The following HAPLN1 variants were observed in gnomAD, a reference collection of about 807,000 sequenced individuals.
HAPLN1 encodes hyaluronan and proteoglycan link protein 1, also known as Cartilage link protein.
HAPLN1 carries 13 observed loss-of-function variants against 36.5 expected under a neutral mutation model. That is an observed-to-expected ratio of 0.36 (90% CI 0.23 to 0.57). HAPLN1 has a LOEUF of 0.57. Ranked by LOEUF, HAPLN1 falls within the 20% of genes least tolerant of loss-of-function variation. HAPLN1 has a pLI of 0.83. For missense variants in HAPLN1, 407 were observed against 439.7 expected, an observed-to-expected ratio of 0.93 and a Z score of 0.66; for synonymous variants, 202 against 169.8, an observed-to-expected ratio of 1.19 and a Z score of -1.48.
intron 2 of HAPLN1, among the ~76,000 whole-genome samples, chr5:83,658,658 A>C (rs1229785872): frequency 6.6e-6 from 1 of 152,270 alleles, no homozygotes; most frequent in Non-Finnish European, 1.5e-5. Flanking sequence ...TTAAGACTGG[A>C]AGAAATCTAA....
At chr5:83,704,269 G>T (rs1212123490) in intron 1 of HAPLN1, among the ~76,000 whole-genome samples, 1 of 152,136 alleles carries the variant, frequency 6.6e-6, no homozygotes. Context: ...ACTAAGTATG[G>T]CAAGGAAAGA....
intron 2 of HAPLN1, among the ~76,000 whole-genome samples, chr5:83,658,655 T>C (rs765822951): frequency 6.6e-6 from 1 of 152,190 alleles, no homozygotes; most frequent in Admixed American, 6.5e-5. Flanking sequence ...TCCTTAAGAC[T>C]GGAAGAAATC....
intron 1 of HAPLN1, among the ~76,000 whole-genome samples, chr5:83,678,169 G>T (rs1255712189): frequency 6.6e-6 from 1 of 150,500 alleles, no homozygotes; most frequent in East Asian, 2.0e-4. Flanking sequence ...CCATGCTTAT[G>T]TTCATTTTTC....
rs773994130 is a variant in HAPLN1, at chr5:83,644,633, G to A, written c.505C>T (p.Arg169Cys). ...GCCTCGTGAAAATTGAGATTGTAGC[G>A]CCCCAGTCGTGGAAAGTAAGGGAAT... ...VVFPYFPRLG[R>C]YNLNFHEAQQ... The change falls in exon 4 of 5, where the codon CGC becomes TGC. Residue 169 changes from arginine to cysteine, a missense_variant. Arg to Cys is a radical substitution (Grantham distance 180). Coordinates refer to ENST00000274341, the MANE Select transcript of HAPLN1 (RefSeq NM_001884.4). The A allele has an allele frequency of 8.1e-6, 12 of 1,489,052 alleles. No homozygotes were observed. The highest frequency in any genetic ancestry group is 5.6e-5 in the South Asian group (4 of 71,464). The allele number at this position is 1,489,052 out of a possible 1,614,324, so 92.2% of individuals were successfully genotyped here.
intron 4 of HAPLN1, among the ~76,000 whole-genome samples, chr5:83,643,508 C>T (rs1005436764): frequency 1.3e-5 from 2 of 152,162 alleles, no homozygotes; most frequent in African/African-American, 4.8e-5. Context: ...GGGCCCCACA[C>T]GGAGAAGGGC....
chr5:83,653,864 T>C (rs141343850), intron 2 of HAPLN1, among the ~76,000 whole-genome samples: 10 of 152,360 alleles, frequency 6.6e-5, no homozygotes, highest in African/African-American at 2.2e-4. Flanking sequence ...ACAGTGTCTC[T>C]TGAGGATGTG....
chr5:83,651,299 C>T (rs1201940505), intron 3 of HAPLN1, among the ~76,000 whole-genome samples: 1 of 152,190 alleles, frequency 6.6e-6, no homozygotes, highest in South Asian at 2.1e-4. Context: ...TCTCTCCAAC[C>T]TTCCATGCCC....
At position 83,652,488 on chromosome 5, in the gene HAPLN1, T is replaced by G. The variant is rs745647610; in HGVS notation, c.437A>C (p.Glu146Ala). 2 of 1,614,134 alleles carry G rather than the reference T, an allele frequency of 1.2e-6. No individual in the cohort carries two copies. Among genetic ancestry groups the G allele is most frequent in the Non-Finnish European group, 1.7e-6 (2 of 1,179,976 alleles). The change falls in exon 3 of 5, where the codon GAA becomes GCA. Residue 146 changes from glutamate (E) to alanine (A), a missense_variant. By Grantham distance (107) the Glu-to-Ala change is moderately radical. Coordinates refer to ENST00000274341, the MANE Select transcript of HAPLN1 (RefSeq NM_001884.4). ...CAGTGCTACCACAACAGTATCATCTTCTAATCCTTCAATCACCTCACACTT... is the reference window on the plus strand; with the variant it reads ...CAGTGCTACCACAACAGTATCATCTGCTAATCCTTCAATCACCTCACACTT... ...RYKCEVIEGL[E>A]DDTVVVALDL...
At chr5:83,643,250 A>G (rs1749757351) in intron 4 of HAPLN1, among the ~76,000 whole-genome samples, 1 of 150,576 alleles carries the variant, frequency 6.6e-6, no homozygotes, top group South Asian at 2.1e-4. Context: ...CAGGAGGCTG[A>G]GGAGGGAGAG....
At chr5:83,648,732 T>C (rs983523966) in intron 3 of HAPLN1, among the ~76,000 whole-genome samples, 1 of 151,658 alleles carries the variant, frequency 6.6e-6, no homozygotes, top group Non-Finnish European at 1.5e-5. Flanking sequence ...TGACAGGGAG[T>C]TTGAGTACCA....
intron 3 of HAPLN1, among the ~76,000 whole-genome samples, chr5:83,645,863 C>T (rs1387377922): frequency 2.6e-5 from 4 of 151,832 alleles, no homozygotes. Flanking sequence ...GGGTTTGAAA[C>T]ATTTTTATTA....
rs1209905426 is a variant in HAPLN1, at chr5:83,641,034, A to G, written c.*462T>C. ...GTTCCCTTGTGAAACTGAGTTTTGT[A>G]TAACCTCTCAGTTTATGTAAAGAAG... is the stretch of plus-strand genomic sequence containing the variant. On this transcript the variant is annotated 3_prime_UTR_variant, in exon 5 of 5. Transcript: ENST00000274341. 6.6e-6 allele frequency: 1 copy of G among 151,902 alleles called. No individual in the cohort carries two copies. Among genetic ancestry groups the G allele is most frequent in the Non-Finnish European group, 1.5e-5 (1 of 67,990 alleles). 9.4% of individuals were successfully genotyped at this position (151,902 alleles called of 1,614,324 possible). A position where few individuals can be genotyped will look rare whatever the true frequency, so the allele number is the denominator to read the frequency against.
chr5:83,683,395 A>ACCCAGGTT (rs1751049695), intron 1 of HAPLN1, among the ~76,000 whole-genome samples: 2 of 152,184 alleles, frequency 1.3e-5, no homozygotes, highest in Non-Finnish European at 2.9e-5. Flanking sequence ...AGTACTAACA[A>ACCCAGGTT]AGTTAAGAGG....
intron 1 of HAPLN1, among the ~76,000 whole-genome samples, chr5:83,701,805 G>A (rs978251643): frequency 1.3e-5 from 2 of 151,894 alleles, no homozygotes; most frequent in Admixed American, 1.3e-4. Flanking sequence ...CAGATGCAGT[G>A]GTCCCAGCTG....
At chr5:83,675,335 G>A (rs1014493054) in intron 1 of HAPLN1, 2 of 152,098 alleles carry the variant, frequency 1.3e-5, no homozygotes, top group Non-Finnish European at 2.9e-5. Flanking sequence ...CAGAGAAGGG[G>A]CGCTGTGGAG....
intron 1 of HAPLN1, among the ~76,000 whole-genome samples, chr5:83,693,399 A>G (rs981409323): frequency 6.6e-6 from 1 of 151,956 alleles, no homozygotes; most frequent in South Asian, 2.1e-4. Context: ...ATTATTTCAA[A>G]AGAAGATAGA....
chr5:83,691,154 A>G (rs561090833), intron 1 of HAPLN1, among the ~76,000 whole-genome samples: 171 of 152,194 alleles, frequency 1.1e-3, no homozygotes, highest in Non-Finnish European at 1.9e-3. Context: ...TTCATACAGT[A>G]CAGGAAGAAG....
intron 1 of HAPLN1, among the ~76,000 whole-genome samples, chr5:83,696,187 G>C (rs1751385810): frequency 6.6e-6 from 1 of 151,980 alleles, no homozygotes; most frequent in South Asian, 2.1e-4. Context: ...AAAATATTTA[G>C]GGAAAAATAG....
At chr5:83,685,580 T>C (rs1028278402) in intron 1 of HAPLN1, among the ~76,000 whole-genome samples, 1 of 152,204 alleles carries the variant, frequency 6.6e-6, no homozygotes, top group Non-Finnish European at 1.5e-5. Flanking sequence ...CGTGCTAATG[T>C]TACAAAAGTG....
Sources: allele counts gnomAD v4.1 joint callset (sites outside exome capture counted in the v4.1 genomes callset), GRCh38; gene constraint gnomAD v4.1.1; transcripts MANE v1.5; gene names NCBI Gene and HGNC (gene_info 2026-07-23, HGNC 2026-07-21).